The following SLC25A26 variants were observed in gnomAD, a reference collection of about 807,000 sequenced individuals.
SLC25A26 encodes mitochondrial S-adenosylmethionine carrier protein.
SLC25A26 carries 36 observed loss-of-function variants against 37.8 expected under a neutral mutation model. The ratio of observed to expected loss-of-function variants is 0.95; its 90% confidence interval spans 0.73 to 1.26. SLC25A26 has a LOEUF of 1.26. SLC25A26 is among the 50% of genes most tolerant of loss of function. The pLI, the probability that SLC25A26 is intolerant of heterozygous loss-of-function variation, is 0.00. For synonymous variants in SLC25A26, 129 were observed against 122.5 expected, an observed-to-expected ratio of 1.05 and a Z score of -0.35; for missense variants, 390 against 331.1, an observed-to-expected ratio of 1.18 and a Z score of -1.38.
chr3:66,233,701 CT>C (rs1421478995), intron 1 of SLC25A26, among the ~76,000 whole-genome samples: 1 of 151,508 alleles, frequency 6.6e-6, no homozygotes, highest in Non-Finnish European at 1.5e-5. Flanking sequence ...AGCTGTTTTT[CT>C]TTTTTTTCAG....
chr3:66,323,690 T>A (rs182843233), intron 5 of SLC25A26, among the ~76,000 whole-genome samples: 54 of 152,268 alleles, frequency 3.5e-4, no homozygotes, highest in Non-Finnish European at 6.2e-4. Context: ...GGTGCGTGCC[T>A]GTAGTCCCAG....
At chr3:66,299,893 G>C (rs879789779) in intron 5 of SLC25A26, among the ~76,000 whole-genome samples, 9 of 152,016 alleles carry the variant, frequency 5.9e-5, no homozygotes, top group Admixed American at 3.3e-4. Context: ...ACATTTTATG[G>C]GTGACATATT....
chr3:66,332,256 C>T (rs1334589926), intron 5 of SLC25A26, among the ~76,000 whole-genome samples: 1 of 152,086 alleles, frequency 6.6e-6, no homozygotes, highest in African/African-American at 2.4e-5. Context: ...AGAGGTTTAG[C>T]ATGCACCTAC....
intron 1 of SLC25A26, among the ~76,000 whole-genome samples, chr3:66,194,907 T>C (rs1383793421): frequency 6.6e-6 from 1 of 152,126 alleles, no homozygotes; most frequent in East Asian, 1.9e-4. Context: ...GGCCCAAAAC[T>C]TGCTTAAAGG....
At chr3:66,253,137 G>T (rs915263752) in intron 3 of SLC25A26, among the ~76,000 whole-genome samples, 3 of 151,742 alleles carry the variant, frequency 2.0e-5, no homozygotes, top group African/African-American at 7.3e-5. Flanking sequence ...GCCGGGCGCA[G>T]TGGCTCATGC....
At chr3:66,261,986 C>A (rs2073547430) in intron 3 of SLC25A26, 65 bp from the exon 4 acceptor site, 2 of 950,510 alleles carry the variant, frequency 2.1e-6, no homozygotes, top group Admixed American at 2.6e-5. Flanking sequence ...TTTTTGCTTA[C>A]CAAAAAATTT....
intron 1 of SLC25A26, among the ~76,000 whole-genome samples, chr3:66,195,554 C>T (rs908306623): frequency 6.6e-6 from 1 of 152,230 alleles, no homozygotes; most frequent in Non-Finnish European, 1.5e-5. Flanking sequence ...TTCCTTCAAG[C>T]AAGTGCGCTT....
At chr3:66,244,619 T>G (rs1172780798) in intron 3 of SLC25A26, among the ~76,000 whole-genome samples, 4 of 152,172 alleles carry the variant, frequency 2.6e-5, no homozygotes, top group African/African-American at 9.7e-5. Context: ...GTCATTATAA[T>G]GAAGTAAAAT....
chr3:66,241,186 C>T (rs143917927), intron 2 of SLC25A26, among the ~76,000 whole-genome samples: 2,365 of 152,092 alleles, frequency 0.016, 64 homozygotes, highest in African/African-American at 0.053. Flanking sequence ...CGTTTAAACC[C>T]GTGTTCAAGG....
At chr3:66,194,291 G>C (rs969012613) in intron 1 of SLC25A26, among the ~76,000 whole-genome samples, 1 of 152,202 alleles carries the variant, frequency 6.6e-6, no homozygotes, top group South Asian at 2.1e-4. Flanking sequence ...TTGCTGGAAA[G>C]CTATTCCATG....
chr3:66,173,743 G>T (rs1398572485), intron 1 of SLC25A26, among the ~76,000 whole-genome samples: 1 of 152,206 alleles, frequency 6.6e-6, no homozygotes, highest in Non-Finnish European at 1.5e-5. Flanking sequence ...ACCTGGCACT[G>T]TGTGTTGATT....
intron 1 of SLC25A26, among the ~76,000 whole-genome samples, chr3:66,177,727 C>G (rs1463801508): frequency 6.6e-6 from 1 of 152,182 alleles, no homozygotes; most frequent in Non-Finnish European, 1.5e-5. Flanking sequence ...AAGAGTAATG[C>G]AAAGTAAAGC....
intron 1 of SLC25A26, among the ~76,000 whole-genome samples, chr3:66,173,293 G>C (rs2106736506): frequency 6.6e-6 from 1 of 152,278 alleles, no homozygotes; most frequent in South Asian, 2.1e-4. Flanking sequence ...TTCCCCGGGA[G>C]CTAGAGTTTA....
intron 1 of SLC25A26, among the ~76,000 whole-genome samples, chr3:66,150,547 AATATATATAATGATATATATAAAAAT>A (rs1559551818): frequency 7.8e-6 from 1 of 127,844 alleles, no homozygotes; most frequent in African/African-American, 2.9e-5. Context: ...ATATATATAA[AATATATATAATGATATATATAAAAAT>A]ATATATATCA....
intron 1 of SLC25A26, among the ~76,000 whole-genome samples, chr3:66,186,964 GCCCTGATTATCA>G (rs2070840907): frequency 6.6e-6 from 1 of 151,568 alleles, no homozygotes; most frequent in African/African-American, 2.4e-5. Context: ...CATGATCCTG[GCCCTGATTATCA>G]CCCTGACCTG....
intron 1 of SLC25A26, among the ~76,000 whole-genome samples, chr3:66,168,676 G>A (rs2070457213): frequency 6.6e-6 from 1 of 152,212 alleles, no homozygotes; most frequent in Non-Finnish European, 1.5e-5. Flanking sequence ...TTAAGTAAAA[G>A]CAGGGACTGA....
At chr3:66,277,877 G>T (rs1190009132) in intron 5 of SLC25A26, among the ~76,000 whole-genome samples, 1 of 151,964 alleles carries the variant, frequency 6.6e-6, no homozygotes, top group Non-Finnish European at 1.5e-5. Context: ...GTGATCATGA[G>T]AAAACATCAC....
chr3:66,334,656 C>T lies in SLC25A26; in HGVS notation c.454-11708C>T, dbSNP rs140812653. Among the ~76,000 whole-genome samples, 200 of 152,222 alleles carry T rather than the reference C, an allele frequency of 1.3e-3. 1 individual carries two copies. The highest frequency in any genetic ancestry group is 4.5e-3 in the African/African-American group (186 of 41,528). On this transcript the variant is annotated intron_variant, in intron 5 of 9. Transcript: ENST00000354883. Reference sequence around the variant, plus strand: ...AGGAGGTGTAGCAGGTTTCTGTCATCCCTCTTGCTTCTGCCTTTTGACTTG... The same window carrying T: ...AGGAGGTGTAGCAGGTTTCTGTCATTCCTCTTGCTTCTGCCTTTTGACTTG...
intron 1 of SLC25A26, among the ~76,000 whole-genome samples, chr3:66,197,950 G>T (rs1466464383): frequency 6.6e-6 from 1 of 152,136 alleles, no homozygotes; most frequent in Non-Finnish European, 1.5e-5. Context: ...GTCATAGACA[G>T]GATCAGGGTC....
Sources: gnomAD v4.1 joint callset for allele counts (sites outside exome capture counted in the v4.1 genomes callset) on GRCh38, gnomAD v4.1.1 for gene constraint, MANE v1.5 for transcripts, NCBI Gene and HGNC (gene_info 2026-07-23, HGNC 2026-07-21) for gene names.